The following DNAH14 variants were observed in gnomAD, a reference collection of about 807,000 sequenced individuals.
The protein encoded by DNAH14 is axonemal beta dynein heavy chain 14.
DNAH14 carries 478 observed loss-of-function variants against 520.9 expected under a neutral mutation model. The ratio of observed to expected loss-of-function variants is 0.92; its 90% CI spans 0.85 to 0.99. The LOEUF is 0.99. Among genes scored for constraint, DNAH14 ranks in the 50% least tolerant of loss-of-function variants. DNAH14 has a pLI of 0.00. For missense variants in DNAH14, 4,831 were observed against 5,234.5 expected (o/e 0.92, Z 2.38); for synonymous variants, 1,581 against 1,757.2 (o/e 0.90, Z 2.51).
At chr1:225,281,472 T>A (rs747782543) in intron 54 of DNAH14, among the ~76,000 whole-genome samples, 4 of 152,202 alleles carry the variant, frequency 2.6e-5, no homozygotes, top group Non-Finnish European at 5.9e-5. Context: ...CTTAATCATG[T>A]CTGCAAAGTC....
intron 1 of DNAH14, among the ~76,000 whole-genome samples, chr1:224,937,520 A>T (rs1282677293): frequency 2.0e-5 from 3 of 152,026 alleles, no homozygotes; most frequent in African/African-American, 7.2e-5. Flanking sequence ...TCTATACAAG[A>T]AAACTATGAA....
At chr1:225,305,254 T>TGCCTTCAAAGGCCGCCCCTGTCA (rs1185835171) in intron 58 of DNAH14, among the ~76,000 whole-genome samples, 165 bp downstream of exon 58, 2 of 152,198 alleles carry the variant, frequency 1.3e-5, no homozygotes, top group Non-Finnish European at 2.9e-5. Flanking sequence ...TCCCCCTGTG[T>TGCCTTCAAAGGCCGCCCCTGTCA]GCCTTCAAAG....
At chr1:225,107,724 C>G (rs564867460) in intron 23 of DNAH14, among the ~76,000 whole-genome samples, 1 of 152,288 alleles carries the variant, frequency 6.6e-6, no homozygotes, top group African/African-American at 2.4e-5. Context: ...CCAAACTGTT[C>G]TCCATAGTGG....
At chr1:225,388,525 A>G (rs982392611) in intron 82 of DNAH14, 34 bp downstream of exon 82, 3 of 1,309,106 alleles carry the variant, frequency 2.3e-6, no homozygotes, top group Non-Finnish European at 3.2e-6. Flanking sequence ...TTTCTTCCTC[A>G]TTTTTGCTTA....
At chr1:225,294,999 T>C (rs915019606) in intron 55 of DNAH14, among the ~76,000 whole-genome samples, 1 of 152,176 alleles carries the variant, frequency 6.6e-6, no homozygotes, top group African/African-American at 2.4e-5. Context: ...CTTGATAGAC[T>C]ATATGTGAAT....
chr1:224,929,771 G>A lies in DNAH14; in HGVS notation c.-98G>A, dbSNP rs1308914705. ...ACCCTAGTCTGGCGCTCGCCGGCGT[G>A]GGCGGGCCGGACCTTCGCCGCTTCC... On this transcript the variant is annotated 5_prime_UTR_variant, in exon 1 of 86. Coordinates refer to ENST00000682510, the MANE Select transcript of DNAH14 (RefSeq NM_001367479.1). 4 of 701,770 alleles carry A rather than the reference G, an allele frequency of 5.7e-6. No homozygotes were observed. The highest frequency in any genetic ancestry group is 1.0e-5 in the Non-Finnish European group (4 of 384,510). 43.5% of individuals were successfully genotyped at this position (701,770 alleles called of 1,614,324 possible).
chr1:225,162,299 G>T (rs976197525), intron 35 of DNAH14, among the ~76,000 whole-genome samples: 4 of 152,098 alleles, frequency 2.6e-5, no homozygotes, highest in African/African-American at 9.7e-5. Context: ...GTTCACCACA[G>T]GTGTGTGTAT....
intron 55 of DNAH14, among the ~76,000 whole-genome samples, chr1:225,297,688 C>G (rs1385341602): frequency 6.6e-6 from 1 of 152,188 alleles, no homozygotes; most frequent in Non-Finnish European, 1.5e-5. Flanking sequence ...TTTGTGGAGG[C>G]AATGGTGCAA....
intron 27 of DNAH14, among the ~76,000 whole-genome samples, chr1:225,124,527 A>T (rs2077544682): frequency 6.6e-6 from 1 of 152,244 alleles, no homozygotes; most frequent in African/African-American, 2.4e-5. Flanking sequence ...TTCTTTGCTC[A>T]TCCATAAGAG....
At chr1:224,949,873 T>C (rs1467113538) in intron 1 of DNAH14, among the ~76,000 whole-genome samples, 1 of 152,204 alleles carries the variant, frequency 6.6e-6, no homozygotes, top group Non-Finnish European at 1.5e-5. Flanking sequence ...TGAATTTACC[T>C]TTTATCTGAT....
At chr1:225,247,006 G>A (rs1225084116) in intron 43 of DNAH14, among the ~76,000 whole-genome samples, 1 of 152,206 alleles carries the variant, frequency 6.6e-6, no homozygotes, top group African/African-American at 2.4e-5. Flanking sequence ...ACTGGATAAG[G>A]AAAATGTGGC....
chr1:225,194,507 C>T (rs544145177), intron 38 of DNAH14, among the ~76,000 whole-genome samples: 1 of 152,208 alleles, frequency 6.6e-6, no homozygotes, highest in African/African-American at 2.4e-5. Context: ...TGGACCCCTT[C>T]CTTTCACGAT....
At chr1:225,382,264 G>T (rs1341344285) in intron 81 of DNAH14, among the ~76,000 whole-genome samples, 1 of 152,090 alleles carries the variant, frequency 6.6e-6, no homozygotes, top group Non-Finnish European at 1.5e-5. Flanking sequence ...ACAAGCATTG[G>T]GAGAAATTGG....
At chr1:225,167,091 CTCA>C (rs2082105146) in intron 35 of DNAH14, among the ~76,000 whole-genome samples, 2 of 152,172 alleles carry the variant, frequency 1.3e-5, no homozygotes, top group South Asian at 4.1e-4. Flanking sequence ...AGTGGGCAGT[CTCA>C]TCAATTCCAC....
rs149809210 is a variant in DNAH14 at position 225,383,975 on chromosome 1, C to T, written c.13077+2396C>T. ...TTGGTTTCAAAGAACATCTTTATTT[C>T]GGCCTTCATTTCGTCATGTACCCAG... is the stretch of plus-strand genomic sequence containing the variant. On this transcript the variant is annotated intron_variant, in intron 81 of 85. Coordinates refer to ENST00000682510, the MANE Select transcript of DNAH14 (RefSeq NM_001367479.1). 3.7e-3 allele frequency among the ~76,000 whole-genome samples: 559 copies of T among 152,238 alleles called. 3 individuals carry two copies. Among genetic ancestry groups the T allele is most frequent in the African/African-American group, 0.013 (543 of 41,528 alleles).
At chr1:225,065,529 T>C (rs1001571118) in intron 17 of DNAH14, among the ~76,000 whole-genome samples, 1 of 151,788 alleles carries the variant, frequency 6.6e-6, no homozygotes, top group Non-Finnish European at 1.5e-5. Flanking sequence ...CCCCCACCCA[T>C]AGCCTTTAGT....
At chr1:224,994,596 C>T (rs2063272838) in intron 8 of DNAH14, among the ~76,000 whole-genome samples, 1 of 151,894 alleles carries the variant, frequency 6.6e-6, no homozygotes, top group Non-Finnish European at 1.5e-5. Flanking sequence ...TTGCAGGCAG[C>T]CTATAGTTCA....
chr1:225,283,042 A>G (rs1360912305), intron 54 of DNAH14, among the ~76,000 whole-genome samples: 1 of 151,954 alleles, frequency 6.6e-6, no homozygotes, highest in African/African-American at 2.4e-5. Context: ...ATGTAAAAAA[A>G]TTAGAAGAGA....
At chr1:225,345,654 G>A (rs2095274694) in intron 69 of DNAH14, among the ~76,000 whole-genome samples, 1 of 152,090 alleles carries the variant, frequency 6.6e-6, no homozygotes, top group African/African-American at 2.4e-5. Context: ...GGGTCATACT[G>A]TAAATGTATT....
Sources: allele counts gnomAD v4.1 joint callset (sites outside exome capture counted in the v4.1 genomes callset), GRCh38; gene constraint gnomAD v4.1.1; transcripts MANE v1.5; gene names NCBI Gene and HGNC (gene_info 2026-07-23, HGNC 2026-07-21).